CCDC120: variants seen among roughly 807,000 people sequenced by gnomAD.
The protein encoded by CCDC120 is coiled-coil domain containing 120.
A neutral mutation model predicts 37.6 loss-of-function variants in CCDC120; 16 were observed. The observed-to-expected ratio is 0.43, with a 90% CI of 0.29 to 0.65. CCDC120 has a LOEUF of 0.65. CCDC120 is among the 30% of genes least tolerant of loss of function. The pLI is 0.18. For missense variants in CCDC120, 650 were observed against 657.4 expected, an observed-to-expected ratio of 0.99 and a Z score of 0.12; for synonymous variants, 309 against 275.4, an observed-to-expected ratio of 1.12 and a Z score of -1.21.
In CCDC120 at chrX:49,065,750, C is replaced by T. The variant is rs2064945943; in HGVS notation, c.966C>T (p.Pro322=). 8.5e-7 allele frequency: 1 copy of T among 1,173,663 alleles called. No homozygotes were observed. Among genetic ancestry groups the T allele is most frequent in the African/African-American group, 1.8e-5 (1 of 56,147 alleles). The change falls in exon 9 of 11, where the codon CCC becomes CCT. Residue 322 remains proline, a synonymous_variant. Coordinates refer to ENST00000603986, the MANE Select transcript of CCDC120 (RefSeq NM_001163321.4). ...RRNSVASPTS[P]TRSLPRSASS... Reference sequence around the variant, plus strand: ...AGGCCTGCCTGTCTCTGTCTAGCCCCACACGCTCGCTGCCCAGGAGTGCCT... The same window carrying T: ...AGGCCTGCCTGTCTCTGTCTAGCCCTACACGCTCGCTGCCCAGGAGTGCCT...
In CCDC120 at chrX:49,064,420, C is replaced by T. The variant is rs781838541; in HGVS notation, c.480C>T (p.Ile160=). The T allele has an allele frequency of 4.3e-6, 5 of 1,174,519 alleles. No homozygotes were observed. The highest frequency in any genetic ancestry group is 1.8e-5 in the African/African-American group (1 of 56,317). Residue 160 remains isoleucine, a synonymous_variant, in exon 6 of 11, where the codon ATC becomes ATT. Transcript: ENST00000603986. ...LEREVSVQQQ[I]AAAARRLALA... is the part of the protein sequence containing the mutation. ...GCGAGGTGTCAGTGCAACAGCAGATCGCGGCGGCCGCCCGCCGCCTGGCCT... is the reference window on the plus strand; with the variant it reads ...GCGAGGTGTCAGTGCAACAGCAGATTGCGGCGGCCGCCCGCCGCCTGGCCT...
intron 5 of CCDC120, among the ~76,000 whole-genome samples, 165 bp downstream of exon 5, chrX:49,064,166 C>G (rs1450029972): frequency 3.6e-5 from 4 of 111,516 alleles, no homozygotes; most frequent in Non-Finnish European, 5.7e-5. Flanking sequence ...AGGGAGGATG[C>G]TGGTCCCTAA....
Position 49,067,193 on chromosome X carries a change from CTCG to C in CCDC120, c.1082_1084del (p.Arg361del), listed in dbSNP as rs2064965430. The C allele has an allele frequency of 8.3e-7, 1 of 1,208,819 alleles. No individual in the cohort carries two copies. The highest frequency in any genetic ancestry group is 1.7e-5 in the African/African-American group (1 of 57,175). ...CACCCCAGACCTGAAGGCCTTCATT[CTCG>C]TCAGTGGTCCGGCAGCCAGGACTCC... is the stretch of plus-strand genomic sequence containing the variant. On this transcript the variant is annotated inframe_deletion, in exon 10 of 11. Transcript: ENST00000603986.
chrX:49,065,839 T>C lies in CCDC120; in HGVS notation c.1055T>C (p.Leu352Pro). 5 of 1,164,004 alleles carry C rather than the reference T, an allele frequency of 4.3e-6. No individual in the cohort carries two copies. Among genetic ancestry groups the C allele is most frequent in the Non-Finnish European group, 5.7e-6 (5 of 870,833 alleles). Residue 352 changes from leucine to proline, a missense_variant, in exon 9 of 11, where the codon CTC becomes CCC. By Grantham distance (98) the Leu-to-Pro change is moderately conservative (BLOSUM62 -3). Coordinates refer to ENST00000603986, the MANE Select transcript of CCDC120 (RefSeq NM_001163321.4). Reference sequence around the variant, plus strand: ...CTCACCCGGGGCGCTGGCCCCCAGCTCTGCAAGTAAGGGGAATCTGAGGGT... The same window carrying C: ...CTCACCCGGGGCGCTGGCCCCCAGCCCTGCAAGTAAGGGGAATCTGAGGGT... Reference protein sequence around the residue: ...PVLTRGAGPQLCKPEGLHSRQ... With the variant: ...PVLTRGAGPQPCKPEGLHSRQ...
chrX:49,064,768 C>T (rs1344238777), intron 6 of CCDC120, 104 bp downstream of exon 6: 54 of 936,365 alleles, frequency 5.8e-5, no homozygotes, highest in Non-Finnish European at 7.5e-5. Flanking sequence ...AGGCACAACT[C>T]AAGTGGCCCA....
rs1557080155 is a variant in CCDC120 at position 49,063,887 on chromosome X, G to A, written c.315G>A (p.Glu105=). ...EAELTGQLPP[E]CPLEPGERPQ... is the part of the protein sequence containing the mutation. ...AGCTGACTGGCCAGCTGCCCCCTGA[G>A]TGCCCACTAGAGCCTGGTGAACGGC... The change falls in exon 5 of 11, where the codon GAG becomes GAA. Residue 105 remains glutamate, a synonymous_variant. Coordinates refer to ENST00000603986, the MANE Select transcript of CCDC120 (RefSeq NM_001163321.4). The A allele has an allele frequency of 8.3e-7, 1 of 1,208,214 alleles. No homozygotes were observed. The highest frequency in any genetic ancestry group is 3.0e-5 in the East Asian group (1 of 33,559).
upstream of CCDC120, among the ~76,000 whole-genome samples, chrX:49,056,792 A>G (rs2064834161): frequency 8.9e-6 from 1 of 111,750 alleles, no homozygotes; most frequent in African/African-American, 3.3e-5. Context: ...GAATGTATCT[A>G]CTTGATTCCT....
chrX:49,060,582 G>A (rs1439607317), intron 1 of CCDC120, among the ~76,000 whole-genome samples: 1 of 110,461 alleles, frequency 9.1e-6, no homozygotes, highest in Non-Finnish European at 1.9e-5. Flanking sequence ...AGAGTTCCTT[G>A]GGCCTAAATG....
chrX:49,064,149 T>C (rs1170374537), intron 5 of CCDC120, 148 bp downstream of exon 5: 2 of 876,094 alleles, frequency 2.3e-6, no homozygotes, highest in Non-Finnish European at 3.1e-6. Flanking sequence ...GTTAGTTTCC[T>C]GTGATGAGGG....
At position 49,065,826 on chromosome X, in the gene CCDC120, G is replaced by A. The variant is rs1391834154; in HGVS notation, c.1042G>A (p.Ala348Thr). ...TGCCACCCCTGTCCTCACCCGGGGC[G>A]CTGGCCCCCAGCTCTGCAAGTAAGG... ...VPATPVLTRG[A>T]GPQLCKPEGL... is the part of the protein sequence containing the mutation. The change falls in exon 9 of 11, where the codon GCT (alanine) becomes ACT (threonine). Residue 348 changes from alanine (A) to threonine (T), a missense_variant. Ala to Thr is a moderately conservative substitution (Grantham distance 58, BLOSUM62 0). Around this residue, in one of 3 missense-constraint regions of CCDC120, gnomAD observed 576 missense variants for 565.3 expected, o/e 1.02. Coordinates refer to ENST00000603986, the MANE Select transcript of CCDC120 (RefSeq NM_001163321.4). 3 of 1,165,401 alleles carry A rather than the reference G, an allele frequency of 2.6e-6. No individual in the cohort carries two copies. Among genetic ancestry groups the A allele is most frequent in the African/African-American group, 1.8e-5 (1 of 55,812 alleles).
chrX:49,059,439 C>A (rs781864370), intron 1 of CCDC120: 2 of 583,680 alleles, frequency 3.4e-6, no homozygotes, highest in East Asian at 3.4e-4. Context: ...CTGTCCTCCC[C>A]CAACCCAGGG....
intron 1 of CCDC120, among the ~76,000 whole-genome samples, chrX:49,059,890 C>T (rs1602513931): frequency 2.7e-5 from 3 of 111,473 alleles, no homozygotes; most frequent in African/African-American, 6.5e-5. Context: ...ATCCCTTTCT[C>T]GCCATCTGGG....
chrX:49,054,525 C>A (rs1557078134), upstream of CCDC120, among the ~76,000 whole-genome samples: 1 of 110,936 alleles, frequency 9.0e-6, no homozygotes, highest in East Asian at 2.8e-4. Context: ...TGTCCCATCA[C>A]CATACTCATT....
At chrX:49,065,967 A>G in intron 9 of CCDC120, 122 bp downstream of exon 9, 2 of 676,115 alleles carry the variant, frequency 3.0e-6, no homozygotes, top group Non-Finnish European at 2.2e-6. Context: ...TCACGCTTGT[A>G]ATCCCAGCAC....
intron 1 of CCDC120, 99 bp downstream of exon 1, chrX:49,059,194 G>C: frequency 1.1e-5 from 2 of 175,357 alleles, no homozygotes; most frequent in Non-Finnish European, 1.8e-5. Context: ...AGAGAGCTAG[G>C]TCTGTGGGAG....
upstream of CCDC120, among the ~76,000 whole-genome samples, chrX:49,056,973 G>A (rs1557078510): frequency 8.9e-6 from 1 of 112,238 alleles, no homozygotes; most frequent in Non-Finnish European, 1.9e-5. Context: ...GGCACAGAGA[G>A]GTTAAGTGAC....
intron 4 of CCDC120, among the ~76,000 whole-genome samples, chrX:49,063,010 C>T (rs901138495): frequency 9.0e-6 from 1 of 111,563 alleles, no homozygotes; most frequent in Non-Finnish European, 1.9e-5. Flanking sequence ...CTGGCTAACA[C>T]GGTGTAACCC....
intron 9 of CCDC120, chrX:49,066,292 A>T (rs2064953378): frequency 8.1e-6 from 1 of 124,013 alleles, no homozygotes; most frequent in Admixed American, 9.2e-5. Context: ...GTGAGCAGGC[A>T]TCTCGGTGGA....
Position 49,067,551 on chromosome X carries a change from C to A in CCDC120, c.1437C>A (p.Leu479=). 8.5e-7 allele frequency: 1 copy of A among 1,170,680 alleles called. No homozygotes were observed. The highest frequency in any genetic ancestry group is 1.1e-6 in the Non-Finnish European group (1 of 872,713). The change falls in exon 10 of 11, where the codon CTC becomes CTA. Residue 479 remains leucine (L), a synonymous_variant. Coordinates refer to ENST00000603986, the MANE Select transcript of CCDC120 (RefSeq NM_001163321.4). ...PRLPPVCGDF[L]LDYSLDRGLP... ...TCCCACCTGTGTGTGGAGACTTCCT[C>A]TTGGACTATTCCTTGGACCGGGGCC... is the stretch of plus-strand genomic sequence containing the variant.
Sources: gnomAD v4.1 joint callset for allele counts (sites outside exome capture counted in the v4.1 genomes callset) on GRCh38, gnomAD v4.1.1 for gene constraint, gnomAD v4.1.1 regional missense constraint, MANE v1.5 for transcripts, NCBI Gene and HGNC (gene_info 2026-07-23, HGNC 2026-07-21) for gene names.